The following LDAH variants were observed in gnomAD, a reference collection of about 807,000 sequenced individuals.
The protein encoded by LDAH is lipid droplet associated hydrolase.
A neutral mutation model predicts 29.6 loss-of-function variants in LDAH; 26 were observed. That is an observed-to-expected ratio of 0.88 (90% CI 0.64 to 1.22). The LOEUF is 1.22. Ranked by LOEUF, LDAH falls within the 50% of genes most tolerant of loss-of-function variation. The probability of loss-of-function intolerance (pLI) is 0.00; values close to 1 mark genes in which losing one functional copy is unlikely to be tolerated. For missense variants in LDAH, 344 were observed against 387.3 expected (o/e 0.89, Z 0.94); for synonymous variants, 117 against 133.0 (o/e 0.88, Z 0.83).
chr2:20,757,342 GAAGT>G, intron 4 of LDAH, among the ~76,000 whole-genome samples: 1 of 152,280 alleles, frequency 6.6e-6, no homozygotes, highest in South Asian at 2.1e-4. Context: ...CTATACCCTA[GAAGT>G]AACGATGAAC....
chr2:20,712,346 A>G (rs530044567), intron 5 of LDAH, among the ~76,000 whole-genome samples: 52 of 152,354 alleles, frequency 3.4e-4, no homozygotes, highest in African/African-American at 1.1e-3. Flanking sequence ...ATCAACATCA[A>G]CCAAAAGGAC....
chr2:20,767,412 C>T (rs1391437082), intron 4 of LDAH, among the ~76,000 whole-genome samples: 1 of 152,208 alleles, frequency 6.6e-6, no homozygotes, highest in Non-Finnish European at 1.5e-5. Context: ...ACTGTCACAG[C>T]CCGGCTGGGT....
chr2:20,764,628 T>G (rs1668911084), intron 4 of LDAH, among the ~76,000 whole-genome samples: 1 of 152,100 alleles, frequency 6.6e-6, no homozygotes, highest in South Asian at 2.1e-4. Context: ...TGCTTCCTAC[T>G]AAAACACTCA....
chr2:20,770,374 T>C (rs1464063130), intron 4 of LDAH, among the ~76,000 whole-genome samples: 4 of 152,120 alleles, frequency 2.6e-5, no homozygotes, highest in Non-Finnish European at 5.9e-5. Context: ...GGAGAACATG[T>C]TATCATTAAA....
intron 6 of LDAH, 93 bp downstream of exon 6, chr2:20,701,477 A>G (rs1663930579): frequency 1.0e-6 from 1 of 1,004,748 alleles, no homozygotes; most frequent in African/African-American, 1.6e-5. Flanking sequence ...CAACCCTTAA[A>G]GTCTTACAGA....
intron 3 of LDAH, among the ~76,000 whole-genome samples, chr2:20,782,273 G>C (rs1364208900): frequency 6.6e-6 from 1 of 152,168 alleles, no homozygotes; most frequent in African/African-American, 2.4e-5. Context: ...GCCAAAGTTT[G>C]AGAACACCTG....
chr2:20,729,709 T>C (rs1055515563), intron 5 of LDAH, among the ~76,000 whole-genome samples: 9 of 152,240 alleles, frequency 5.9e-5, no homozygotes, highest in African/African-American at 2.2e-4. Context: ...TAACAAATAA[T>C]ATAGAGAAAT....
chr2:20,771,755 A>G lies in LDAH; in HGVS notation c.468+3055T>C, dbSNP rs546336122. 8.9e-4 allele frequency among the ~76,000 whole-genome samples: 127 copies of G among 142,606 alleles called. 3 individuals carry two copies. Among genetic ancestry groups the G allele is most frequent in the African/African-American group, 3.2e-3 (121 of 37,240 alleles). The allele number at this position is 142,606 out of a possible 152,430, so 93.6% of individuals were successfully genotyped here. On this transcript the variant is annotated intron_variant, in intron 4 of 6. Coordinates refer to ENST00000237822, the MANE Select transcript of LDAH (RefSeq NM_021925.4). ...CCCCTCCTACCCCCCAAAAGAGGTG[A>G]CCTTTTGGACAATTTATTGCACACA...
chr2:20,760,610 GT>G (rs902618292), intron 4 of LDAH, among the ~76,000 whole-genome samples: 3 of 152,166 alleles, frequency 2.0e-5, no homozygotes, highest in African/African-American at 7.2e-5. Flanking sequence ...AAGGATTTCA[GT>G]TTTTTTGTTG....
chr2:20,767,026 G>A (rs1483420264), intron 4 of LDAH, among the ~76,000 whole-genome samples: 1 of 152,222 alleles, frequency 6.6e-6, no homozygotes. Context: ...ATTCCTGGAG[G>A]TGCGCACTGG....
rs1662455510 is a variant in LDAH at position 20,684,898 on chromosome 2, A to T, written c.*2005T>A. The T allele has an allele frequency of 6.5e-7, 1 of 1,549,762 alleles. No homozygotes were observed. The highest frequency in any genetic ancestry group is 1.4e-5 in the African/African-American group (1 of 73,022). On this transcript the variant is annotated 3_prime_UTR_variant, in exon 7 of 7. Coordinates refer to ENST00000237822, the MANE Select transcript of LDAH (RefSeq NM_021925.4). Reference sequence around the variant, plus strand: ...TCCCTAATGAAACAGAATGAACTTCAGTCTCTTGAAATCTGATTCTTCCAC... The same window carrying T: ...TCCCTAATGAAACAGAATGAACTTCTGTCTCTTGAAATCTGATTCTTCCAC...
At chr2:20,736,031 G>C (rs573857512) in intron 5 of LDAH, among the ~76,000 whole-genome samples, 8 of 152,144 alleles carry the variant, frequency 5.3e-5, no homozygotes, top group South Asian at 2.1e-4. Flanking sequence ...GGAAAGAGAG[G>C]GGGTGCTTCA....
chr2:20,695,768 G>C (rs1247677729), intron 6 of LDAH, among the ~76,000 whole-genome samples: 1 of 152,156 alleles, frequency 6.6e-6, no homozygotes, highest in Non-Finnish European at 1.5e-5. Context: ...TATAAGGTCT[G>C]AATTACAAGG....
At chr2:20,723,377 G>A (rs1665794243) in intron 5 of LDAH, among the ~76,000 whole-genome samples, 2 of 152,108 alleles carry the variant, frequency 1.3e-5, no homozygotes, top group Admixed American at 1.3e-4. Context: ...ATTCTTGAGT[G>A]GGTGGCAGTT....
chr2:20,794,106 G>C (rs1671151117), intron 2 of LDAH, among the ~76,000 whole-genome samples: 1 of 152,100 alleles, frequency 6.6e-6, no homozygotes, highest in African/African-American at 2.4e-5. Context: ...TCACAATCAT[G>C]GTGGAAGGCA....
intron 4 of LDAH, among the ~76,000 whole-genome samples, chr2:20,741,555 C>G (rs1667178089): frequency 6.6e-6 from 1 of 151,994 alleles, no homozygotes; most frequent in Non-Finnish European, 1.5e-5. Context: ...CAATATATCC[C>G]AAAGGAAAAA....
chr2:20,712,314 C>A (rs560911063), intron 5 of LDAH, among the ~76,000 whole-genome samples: 1 of 152,178 alleles, frequency 6.6e-6, no homozygotes, highest in Admixed American at 6.5e-5. Context: ...AGAAGGAAAA[C>A]TAACAAACAG....
At chr2:20,707,630 C>A (rs948169226) in intron 5 of LDAH, among the ~76,000 whole-genome samples, 1 of 152,170 alleles carries the variant, frequency 6.6e-6, no homozygotes, top group African/African-American at 2.4e-5. Context: ...CAGCTAGGTG[C>A]AGATCAGCAC....
chr2:20,687,375 T>C (rs556716882), intron 6 of LDAH, among the ~76,000 whole-genome samples: 18 of 152,202 alleles, frequency 1.2e-4, no homozygotes, highest in Non-Finnish European at 2.2e-4. Flanking sequence ...AAGTTTTGTG[T>C]ACTAAGGTTG....
Sources: allele counts gnomAD v4.1 joint callset (sites outside exome capture counted in the v4.1 genomes callset), GRCh38; gene constraint gnomAD v4.1.1; transcripts MANE v1.5; gene names NCBI Gene and HGNC (gene_info 2026-07-23, HGNC 2026-07-21).